The following FANCI variants were observed in gnomAD, a reference collection of about 807,000 sequenced individuals.
FANCI encodes FA complementation group I, also known as Fanconi anemia group I protein.
Under a neutral mutation model 176.1 loss-of-function variants are expected in FANCI, and 156 were observed. That is an observed-to-expected ratio of 0.89 (90% CI 0.78 to 1.01). The LOEUF (loss-of-function observed/expected upper bound fraction) is 1.01, where lower values mean the gene tolerates loss of function less well. Among genes scored for constraint, FANCI ranks in the 50% least tolerant of loss-of-function variants. The pLI is 0.00. For synonymous variants in FANCI, 613 were observed against 541.7 expected (o/e 1.13, Z -1.83); for missense variants, 1,678 against 1,534.1 (o/e 1.09, Z -1.57).
intron 25 of FANCI, 57 bp downstream of exon 25, chr15:89,300,023 C>T (rs1234612438): frequency 6.3e-7 from 1 of 1,580,794 alleles, no homozygotes. Flanking sequence ...TAGCTCAACC[C>T]CTTAATTCCA....
Position 89,285,159 on chromosome 15 carries a change from A to T in FANCI, c.1762A>T (p.Met588Leu), listed in dbSNP as rs2053767099. The part of the protein sequence containing the change: ...VANETFCLEI[M>L]DSLRRCLSQQ... Reference sequence around the variant, plus strand: ...CAATGAAACTTTTTGCCTTGAGATCATGGATAGTTTGAGGAGATGCTTAAG... The same window carrying T: ...CAATGAAACTTTTTGCCTTGAGATCTTGGATAGTTTGAGGAGATGCTTAAG... Residue 588 changes from methionine to leucine, a missense_variant, in exon 18 of 38, where the codon ATG becomes TTG. This residue lies in a region of FANCI where 1,204 missense variants were observed against 1,077.4 expected (regional missense o/e 1.12). Transcript: ENST00000310775. 2 of 1,614,044 alleles carry T rather than the reference A, an allele frequency of 1.2e-6. No homozygotes were observed. The highest frequency in any genetic ancestry group is 1.7e-6 in the Non-Finnish European group (2 of 1,180,020).
chr15:89,245,477 G>A (rs1265292934), intron 1 of FANCI, among the ~76,000 whole-genome samples: 1 of 150,614 alleles, frequency 6.6e-6, no homozygotes, highest in Non-Finnish European at 1.5e-5. Flanking sequence ...GATTACAGGC[G>A]TGAGCTACTG....
chr15:89,253,782 C>T (rs2052370613), intron 2 of FANCI, among the ~76,000 whole-genome samples: 1 of 71,170 alleles, frequency 1.4e-5, no homozygotes. Flanking sequence ...TCATAAATAA[C>T]TTGTGGGGGG....
intron 14 of FANCI, among the ~76,000 whole-genome samples, chr15:89,279,640 C>T (rs2053539849): frequency 6.6e-6 from 1 of 152,164 alleles, no homozygotes; most frequent in Non-Finnish European, 1.5e-5. Flanking sequence ...TTTCCTTTTA[C>T]CTCAAATATA....
intron 16 of FANCI, 109 bp downstream of exon 16, chr15:89,281,944 C>G (rs561405932): frequency 2.9e-6 from 3 of 1,036,702 alleles, no homozygotes; most frequent in East Asian, 4.8e-5. Context: ...CATGAGAATT[C>G]CTAGCCCCGC....
intron 18 of FANCI, among the ~76,000 whole-genome samples, chr15:89,286,977 C>CTTTTTTTGTTTTTTTTTTTT (rs2053839591): frequency 1.2e-5 from 1 of 86,054 alleles, no homozygotes; most frequent in African/African-American, 4.7e-5. Context: ...TCACCTTGCA[C>CTTTTTTTGTTTTTTTTTTTT]TTTTTTTTTT....
At chr15:89,293,157 C>A in intron 22 of FANCI, 94 bp downstream of exon 22, 1 of 1,345,844 alleles carries the variant, frequency 7.4e-7, no homozygotes, top group Non-Finnish European at 1.1e-6. Context: ...AGTAAACAGA[C>A]CACAGACGAT....
At chr15:89,289,013 G>GT (rs543342512) in intron 18 of FANCI, among the ~76,000 whole-genome samples, 314 of 144,962 alleles carry the variant, frequency 2.2e-3, no homozygotes, top group African/African-American at 5.2e-3. Context: ...TTTCTTTGAG[G>GT]TTTTTTTTTT....
At chr15:89,255,040 CTCTT>C (rs1388217364) in intron 2 of FANCI, among the ~76,000 whole-genome samples, 1 of 152,178 alleles carries the variant, frequency 6.6e-6, no homozygotes, top group Non-Finnish European at 1.5e-5. Context: ...CACTAATGTT[CTCTT>C]TATGTTCCAG....
chr15:89,312,479 T>A (rs1187503451), intron 34 of FANCI, among the ~76,000 whole-genome samples: 24 of 152,376 alleles, frequency 1.6e-4, no homozygotes, highest in Middle Eastern at 3.4e-3. Flanking sequence ...TAGTCCTGTT[T>A]ACTCCAGACT....
intron 6 of FANCI, 111 bp from the exon 7 acceptor site, chr15:89,263,308 G>T: frequency 2.5e-6 from 2 of 812,948 alleles, no homozygotes. Context: ...TTGTTTCTCG[G>T]TATTGCAAAA....
chr15:89,247,038 G>C (rs368333733), intron 1 of FANCI, among the ~76,000 whole-genome samples: 8 of 150,094 alleles, frequency 5.3e-5, no homozygotes, highest in Admixed American at 1.3e-4. Context: ...CAAAGTGCTG[G>C]GATTACAGGC....
intron 15 of FANCI, among the ~76,000 whole-genome samples, 174 bp downstream of exon 15, chr15:89,281,474 T>G (rs1473041104): frequency 6.6e-6 from 1 of 152,220 alleles, no homozygotes; most frequent in Non-Finnish European, 1.5e-5. Flanking sequence ...TTTTCCAGGT[T>G]TATTTCCTAT....
intron 2 of FANCI, among the ~76,000 whole-genome samples, chr15:89,255,976 C>T (rs1463614408): frequency 6.6e-6 from 1 of 152,190 alleles, no homozygotes; most frequent in Non-Finnish European, 1.5e-5. Flanking sequence ...GGGAAATGGA[C>T]ACACATAACA....
chr15:89,281,084 A>G, intron 14 of FANCI, 86 bp from the exon 15 acceptor site: 1 of 1,363,872 alleles, frequency 7.3e-7, no homozygotes, highest in Non-Finnish European at 1.0e-6. Flanking sequence ...GAAACAAAAG[A>G]CTTCACATTT....
At chr15:89,245,039 A>C (rs1381679871) in intron 1 of FANCI, among the ~76,000 whole-genome samples, 2 of 152,218 alleles carry the variant, frequency 1.3e-5, no homozygotes, top group African/African-American at 4.8e-5. Context: ...AGTGGGAGAT[A>C]ACATTTGTTA....
intron 18 of FANCI, among the ~76,000 whole-genome samples, chr15:89,286,180 A>G (rs1394533847): frequency 1.3e-5 from 2 of 152,008 alleles, no homozygotes; most frequent in Admixed American, 6.6e-5. Flanking sequence ...TTTAGTAGAG[A>G]TGGGATTTCA....
In FANCI at chr15:89,299,850, G is replaced by A. The variant is rs751233975; in HGVS notation, c.2687G>A (p.Gly896Glu). The stretch of plus-strand genomic sequence containing the variant: ...ATTCCTACTTCAGTGGAAGAGTCGG[G>A]AAAGAAAGAGAAAGGAAAGAGCATC... ...TSIPTSVEES[G>E]KKEKGKSISL... Residue 896 changes from glycine to glutamate, a missense_variant, in exon 25 of 38, where the codon GGA becomes GAA. Transcript: ENST00000310775. 4 of 1,614,012 alleles carry A rather than the reference G, an allele frequency of 2.5e-6. No homozygotes were observed. Among genetic ancestry groups the A allele is most frequent in the Non-Finnish European group, 3.4e-6 (4 of 1,179,966 alleles).
Position 89,313,926 on chromosome 15 carries a change from C to CACACACACACAT in FANCI, c.3721-686_3721-685insACACACACACAT, listed in dbSNP as rs1364757336. The stretch of plus-strand genomic sequence containing the variant: ...ACACACACACACACACACACACACA[C>CACACACACACAT]GTAGGACCTACAAATTACAATTCAC... On this transcript the variant is annotated intron_variant, in intron 35 of 37. Coordinates refer to ENST00000310775, the MANE Select transcript of FANCI (RefSeq NM_001113378.2). Among the ~76,000 whole-genome samples, 522 of 146,544 alleles carry CACACACACACAT rather than the reference C, an allele frequency of 3.6e-3. 12 individuals are homozygous for CACACACACACAT. In the East Asian group the frequency reaches 0.068, roughly 19 times the overall value.
Sources: allele counts gnomAD v4.1 joint callset (sites outside exome capture counted in the v4.1 genomes callset), GRCh38; gene constraint gnomAD v4.1.1; regional missense constraint gnomAD v4.1.1; transcripts MANE v1.5; gene names NCBI Gene and HGNC (gene_info 2026-07-23, HGNC 2026-07-21).